CDH13: variants seen among roughly 807,000 people sequenced by gnomAD.
CDH13 encodes the protein cadherin 13, also known as cadherin-13.
Under a neutral mutation model 63.8 loss-of-function variants are expected in CDH13, and 24 were observed. The ratio of observed to expected loss-of-function variants is 0.38; its 90% CI spans 0.27 to 0.53. CDH13 has a LOEUF of 0.53. Among genes scored for constraint, CDH13 ranks in the 20% least tolerant of loss-of-function variants. The pLI is 0.85. For missense variants in CDH13, 1,049 were observed against 903.1 expected, an observed-to-expected ratio of 1.16 and a Z score of -2.07; for synonymous variants, 503 against 355.3, an observed-to-expected ratio of 1.42 and a Z score of -4.67.
chr16:82,728,355 C>T (rs561779591), intron 1 of CDH13, among the ~76,000 whole-genome samples: 20 of 152,136 alleles, frequency 1.3e-4, no homozygotes, highest in African/African-American at 2.6e-4. Context: ...TCCTCCCCAG[C>T]GACACGGTAC....
At chr16:82,632,341 T>A (rs1681848949) in intron 1 of CDH13, among the ~76,000 whole-genome samples, 1 of 152,212 alleles carries the variant, frequency 6.6e-6, no homozygotes, top group South Asian at 2.1e-4. Flanking sequence ...GACTGGCCTT[T>A]TCTCCTTCCC....
chr16:83,650,219 GA>G (rs58267042), intron 8 of CDH13, among the ~76,000 whole-genome samples: 1 of 151,388 alleles, frequency 6.6e-6, no homozygotes, highest in African/African-American at 2.4e-5. Context: ...CAGAAAGCAG[GA>G]AAAAAAATAC....
chr16:82,962,887 C>G (rs1477163325), intron 2 of CDH13, among the ~76,000 whole-genome samples: 1 of 151,962 alleles, frequency 6.6e-6, no homozygotes, highest in African/African-American at 2.4e-5. Flanking sequence ...ACCTAGAACC[C>G]AAGACACATA....
At chr16:83,758,228 C>G (rs943629636) in intron 11 of CDH13, among the ~76,000 whole-genome samples, 7 of 152,210 alleles carry the variant, frequency 4.6e-5, no homozygotes, top group Non-Finnish European at 7.4e-5. Flanking sequence ...CTTAATCCCT[C>G]TTTTTATGAG....
intron 1 of CDH13, among the ~76,000 whole-genome samples, chr16:82,764,225 C>T (rs1383017330): frequency 6.6e-6 from 1 of 152,198 alleles, no homozygotes; most frequent in Non-Finnish European, 1.5e-5. Context: ...CTAAGCATGA[C>T]TGCAACTTTT....
At chr16:82,930,115 G>C (rs1441261499) in intron 2 of CDH13, among the ~76,000 whole-genome samples, 1 of 136,256 alleles carries the variant, frequency 7.3e-6, no homozygotes, top group Non-Finnish European at 1.5e-5. Flanking sequence ...TGCAATCTCA[G>C]CTCACTACAA....
At chr16:82,890,894 T>G (rs2041057335) in intron 2 of CDH13, among the ~76,000 whole-genome samples, 1 of 152,078 alleles carries the variant, frequency 6.6e-6, no homozygotes, top group African/African-American at 2.4e-5. Flanking sequence ...TCCAGTGATC[T>G]GCCCACCGCA....
chr16:83,143,849 T>C (rs573937627), intron 4 of CDH13, among the ~76,000 whole-genome samples: 13 of 152,168 alleles, frequency 8.5e-5, no homozygotes, highest in African/African-American at 1.2e-4. Context: ...TAAGATAAAC[T>C]AATCCTTGGA....
intron 6 of CDH13, among the ~76,000 whole-genome samples, chr16:83,435,561 C>A (rs945216378): frequency 4.6e-5 from 7 of 152,184 alleles, no homozygotes; most frequent in Non-Finnish European, 8.8e-5. Context: ...CTGTAGTCCA[C>A]CCTGGTCTCC....
At chr16:83,519,866 G>A (rs1255990318) in intron 7 of CDH13, among the ~76,000 whole-genome samples, 1 of 152,076 alleles carries the variant, frequency 6.6e-6, no homozygotes. Context: ...TCTTAGAGCT[G>A]GGGGACAAAG....
chr16:83,103,553 C>G (rs1337520520), intron 3 of CDH13, among the ~76,000 whole-genome samples: 1 of 152,068 alleles, frequency 6.6e-6, no homozygotes, highest in African/African-American at 2.4e-5. Context: ...GCTAATTAAA[C>G]TTTTAATGTG....
chr16:83,148,222 G>A (rs12445936), intron 4 of CDH13, among the ~76,000 whole-genome samples: 41,968 of 152,134 alleles, frequency 0.28, 6,982 homozygotes, highest in East Asian at 0.42. Context: ...ACAGATGTGA[G>A]CCACTGTGCC....
intron 6 of CDH13, among the ~76,000 whole-genome samples, chr16:83,473,518 C>G (rs1305779914): frequency 6.6e-6 from 1 of 152,188 alleles, no homozygotes; most frequent in Non-Finnish European, 1.5e-5. Flanking sequence ...AGCCAGGTCA[C>G]TTACCTAACA....
At chr16:83,409,876 G>C (rs969368720) in intron 6 of CDH13, among the ~76,000 whole-genome samples, 1 of 152,308 alleles carries the variant, frequency 6.6e-6, no homozygotes, top group East Asian at 1.9e-4. Context: ...CTTGTGTCCA[G>C]TTGCTTAACC....
intron 1 of CDH13, among the ~76,000 whole-genome samples, chr16:82,793,515 A>C (rs1380350408): frequency 6.6e-6 from 1 of 152,190 alleles, no homozygotes; most frequent in Non-Finnish European, 1.5e-5. Flanking sequence ...CTCAAGTTTC[A>C]AAGACCGTTC....
Position 82,884,248 on chromosome 16 carries a change from G to C in CDH13, c.157+25775G>C, listed in dbSNP as rs540339179. 229 of 454,004 alleles carry C rather than the reference G, an allele frequency of 5.0e-4. 3 individuals carry two copies. The highest frequency in any genetic ancestry group is 3.5e-3 in the South Asian group (225 of 64,406). The allele number at this position is 454,004 out of a possible 1,614,324, so 28.1% of individuals were successfully genotyped here. On this transcript the variant is annotated intron_variant, in intron 2 of 13. Transcript: ENST00000567109. ...CACTTTTAAAAGCCTGGGCTCCCAT[G>C]AGAAGGAAATCTGCAGGTATAAGAT...
intron 2 of CDH13, among the ~76,000 whole-genome samples, chr16:82,964,224 G>A (rs527478230): frequency 6.6e-6 from 1 of 152,302 alleles, no homozygotes; most frequent in East Asian, 1.9e-4. Flanking sequence ...GGCATAGGCT[G>A]ATGTAATTTC....
Position 82,632,749 on chromosome 16 carries a change from T to C in CDH13, c.45+5612T>C, listed in dbSNP as rs1908169681. ...GATGATTCAAGCACATTACATTTAT[T>C]ATGCATTTAATTTCTGTATTGTTAC... On this transcript the variant is annotated intron_variant, in intron 1 of 13. Transcript: ENST00000567109. Among the ~76,000 whole-genome samples the C allele has an allele frequency of 3.3e-5, 5 of 152,278 alleles. No homozygotes were observed. In the South Asian group the frequency reaches 8.3e-4, roughly 25 times the overall value.
At chr16:83,309,715 G>C (rs1264489072) in intron 5 of CDH13, among the ~76,000 whole-genome samples, 1 of 152,132 alleles carries the variant, frequency 6.6e-6, no homozygotes, top group Non-Finnish European at 1.5e-5. Context: ...GCAATCCTTA[G>C]AGCACCTGTA....
Sources: gnomAD v4.1 joint callset for allele counts (sites outside exome capture counted in the v4.1 genomes callset) on GRCh38, gnomAD v4.1.1 for gene constraint, MANE v1.5 for transcripts, NCBI Gene and HGNC (gene_info 2026-07-23, HGNC 2026-07-21) for gene names.